MITF: variants seen among roughly 807,000 people sequenced by gnomAD.
MITF encodes the protein microphthalmia-associated transcription factor.
MITF carries 17 observed loss-of-function variants against 60.5 expected under a neutral mutation model. That is an observed-to-expected ratio of 0.28 (90% CI 0.19 to 0.42). MITF has a LOEUF of 0.42. Ranked by LOEUF, MITF falls within the 10% of genes least tolerant of loss-of-function variation. The pLI, the probability that MITF is intolerant of heterozygous loss-of-function variation, is 1.00. For missense variants in MITF, 622 were observed against 683.5 expected, an observed-to-expected ratio of 0.91 and a Z score of 1.00; for synonymous variants, 260 against 248.5, an observed-to-expected ratio of 1.05 and a Z score of -0.43.
At chr3:69,944,163 T>C (rs1159768388) in intron 5 of MITF, among the ~76,000 whole-genome samples, 2 of 152,160 alleles carry the variant, frequency 1.3e-5, no homozygotes, top group Admixed American at 1.3e-4. Context: ...TACATTAGCG[T>C]TGAGGCCTTG....
intron 2 of MITF, among the ~76,000 whole-genome samples, chr3:69,880,689 T>G (rs2064466380): frequency 6.6e-6 from 1 of 152,084 alleles, no homozygotes; most frequent in Admixed American, 6.5e-5. Context: ...TAAGTTTTTA[T>G]AGATTTAAGA....
At chr3:69,902,316 C>G (rs2107353871) in intron 2 of MITF, among the ~76,000 whole-genome samples, 1 of 152,078 alleles carries the variant, frequency 6.6e-6, no homozygotes, top group South Asian at 2.1e-4. Flanking sequence ...ACAGCTAACC[C>G]CATACTAAAT....
At chr3:69,797,190 C>G (rs1365468229) in intron 1 of MITF, among the ~76,000 whole-genome samples, 2 of 152,092 alleles carry the variant, frequency 1.3e-5, no homozygotes, top group Admixed American at 1.3e-4. Context: ...TACACCTATC[C>G]CAGGTGCTGA....
rs1417387144 is a variant in MITF, at chr3:69,827,984, A to T, written c.105-51150A>T. On this transcript the variant is annotated intron_variant, in intron 1 of 9. Transcript: ENST00000352241. ...TGTGATGGAAGCTCTGTGCAGCTTCAAAGTAAGAGTTGACTTCTGCGTCTA... is the reference window on the plus strand; with the variant it reads ...TGTGATGGAAGCTCTGTGCAGCTTCTAAGTAAGAGTTGACTTCTGCGTCTA... 5.3e-5 allele frequency among the ~76,000 whole-genome samples: 8 copies of T among 152,230 alleles called. No individual in the cohort carries two copies. The South Asian group carries it at 1.0e-3, about 20-fold the overall frequency.
At chr3:69,819,693 G>T (rs187474257) in intron 1 of MITF, among the ~76,000 whole-genome samples, 9 of 152,286 alleles carry the variant, frequency 5.9e-5, no homozygotes, top group African/African-American at 1.9e-4. Context: ...CATGGCTCAT[G>T]CCTGTAACCT....
intron 1 of MITF, among the ~76,000 whole-genome samples, chr3:69,788,019 C>G (rs765933846): frequency 6.6e-6 from 1 of 152,058 alleles, no homozygotes; most frequent in Non-Finnish European, 1.5e-5. Flanking sequence ...GATGAGAAAA[C>G]TGAGGTTAAA....
intron 7 of MITF, among the ~76,000 whole-genome samples, chr3:69,953,439 A>G (rs1471836365): frequency 1.3e-5 from 2 of 152,064 alleles, no homozygotes; most frequent in African/African-American, 2.4e-5. Context: ...ACCATTGGGA[A>G]TTAATACTCA....
chr3:69,837,028 C>G (rs1420553920), intron 1 of MITF, among the ~76,000 whole-genome samples: 3 of 152,188 alleles, frequency 2.0e-5, no homozygotes, highest in Non-Finnish European at 4.4e-5. Flanking sequence ...CTAGACCACA[C>G]AGCCAAGCCC....
intron 1 of MITF, among the ~76,000 whole-genome samples, chr3:69,772,107 A>T (rs1425253305): frequency 6.6e-6 from 1 of 152,100 alleles, no homozygotes; most frequent in African/African-American, 2.4e-5. Context: ...CCTGGATGCA[A>T]ACCTTTATTG....
intron 2 of MITF, among the ~76,000 whole-genome samples, chr3:69,911,973 A>G (rs912059652): frequency 6.6e-6 from 1 of 152,236 alleles, no homozygotes; most frequent in African/African-American, 2.4e-5. Flanking sequence ...TCACTGCAGC[A>G]TTATCTGTGA....
At chr3:69,830,282 G>T (rs1010979894) in intron 1 of MITF, among the ~76,000 whole-genome samples, 1 of 152,092 alleles carries the variant, frequency 6.6e-6, no homozygotes, top group African/African-American at 2.4e-5. Context: ...GTGCTTCCCT[G>T]CTGCATTTGG....
chr3:69,818,389 G>A (rs551584782), intron 1 of MITF, among the ~76,000 whole-genome samples: 3 of 151,986 alleles, frequency 2.0e-5, no homozygotes, highest in Non-Finnish European at 2.9e-5. Context: ...CTTTAACTCC[G>A]TCCCTATCCC....
chr3:69,953,666 G>T (rs112548271), intron 7 of MITF, among the ~76,000 whole-genome samples: 6,035 of 134,932 alleles, frequency 0.045, 173 homozygotes, highest in Middle Eastern at 0.086. Flanking sequence ...TATATATAGA[G>T]AGAGAGAGAG....
In MITF at chr3:69,811,593, G is replaced by A. The variant is rs545347009; in HGVS notation, c.105-67541G>A. Among the ~76,000 whole-genome samples, 16 of 152,254 alleles carry A rather than the reference G, an allele frequency of 1.1e-4. No homozygotes were observed. The South Asian group carries it at 1.7e-3, about 16-fold the overall frequency. The stretch of plus-strand genomic sequence containing the variant: ...AGAATGGTTTCCAGCCTGCTGCCTC[G>A]TTCCCTTCCTTTGCCACAGCTAATC... On this transcript the variant is annotated intron_variant, in intron 1 of 9. Transcript: ENST00000352241.
intron 1 of MITF, among the ~76,000 whole-genome samples, chr3:69,831,993 A>T (rs1359669820): frequency 1.3e-5 from 2 of 152,182 alleles, no homozygotes; most frequent in Admixed American, 6.5e-5. Context: ...CCGGTGCCCC[A>T]ATTTACACTT....
chr3:69,742,960 AT>A (rs1377620004), intron 1 of MITF, among the ~76,000 whole-genome samples: 2 of 152,032 alleles, frequency 1.3e-5, no homozygotes, highest in Non-Finnish European at 2.9e-5. Flanking sequence ...CCAATATGTT[AT>A]GTTTATTACG....
At chr3:69,791,255 GA>G (rs980233389) in intron 1 of MITF, among the ~76,000 whole-genome samples, 2 of 152,188 alleles carry the variant, frequency 1.3e-5, no homozygotes, top group African/African-American at 4.8e-5. Flanking sequence ...CCCTGAGGGG[GA>G]TTGTGAAATC....
intron 1 of MITF, among the ~76,000 whole-genome samples, chr3:69,844,047 T>G (rs1292644293): frequency 6.6e-6 from 1 of 152,360 alleles, no homozygotes; most frequent in South Asian, 2.1e-4. Context: ...TCCAGCTTCA[T>G]CCATGTCCCT....
intron 2 of MITF, among the ~76,000 whole-genome samples, chr3:69,890,908 C>A (rs924387547): frequency 6.6e-6 from 1 of 152,104 alleles, no homozygotes; most frequent in South Asian, 2.1e-4. Flanking sequence ...TATAAAGTCA[C>A]ATTCTTGTGC....
Sources: allele counts gnomAD v4.1 joint callset (sites outside exome capture counted in the v4.1 genomes callset), GRCh38; gene constraint gnomAD v4.1.1; transcripts MANE v1.5; gene names NCBI Gene and HGNC (gene_info 2026-07-23, HGNC 2026-07-21).